PRR5L: variants seen among roughly 807,000 people sequenced by gnomAD.
PRR5L encodes proline-rich protein 5-like.
Under a neutral mutation model 36.4 loss-of-function variants are expected in PRR5L, and 21 were observed. The ratio of observed to expected loss-of-function variants is 0.58; its 90% CI spans 0.41 to 0.83. The LOEUF (loss-of-function observed/expected upper bound fraction) is 0.83. Ranked by LOEUF, PRR5L falls within the 40% of genes least tolerant of loss-of-function variation. PRR5L has a pLI of 0.00. For synonymous variants in PRR5L, 188 were observed against 197.0 expected, an observed-to-expected ratio of 0.95 and a Z score of 0.38; for missense variants, 381 against 473.3, an observed-to-expected ratio of 0.80 and a Z score of 1.81.
intron 3 of PRR5L, among the ~76,000 whole-genome samples, chr11:36,416,823 A>AGAAGG (rs1858154242): frequency 6.6e-6 from 1 of 151,254 alleles, no homozygotes; most frequent in Non-Finnish European, 1.5e-5. Context: ...CCTCCCTGAT[A>AGAAGG]GGAGGGGAGG....
chr11:36,329,993 A>G (rs553488275), intron 1 of PRR5L, among the ~76,000 whole-genome samples: 4 of 152,256 alleles, frequency 2.6e-5, no homozygotes, highest in Non-Finnish European at 4.4e-5. Context: ...TTCAAGGCAC[A>G]TCAGTCTCAA....
rs143717493 is a variant in PRR5L, at chr11:36,335,204, A to G, written c.-126+38766A>G. On this transcript the variant is annotated intron_variant, in intron 1 of 8. Coordinates refer to ENST00000530639, the MANE Select transcript of PRR5L (RefSeq NM_001160167.2). Reference sequence around the variant, plus strand: ...GCCTTTCTCCCAAGTAGCTGAAACTACAGGTGCACGCCATTACGCCAGGCT... The same window carrying G: ...GCCTTTCTCCCAAGTAGCTGAAACTGCAGGTGCACGCCATTACGCCAGGCT... 4.6e-5 allele frequency among the ~76,000 whole-genome samples: 7 copies of G among 152,106 alleles called. No individual in the cohort carries two copies. In the East Asian group the frequency reaches 9.7e-4, roughly 21 times the overall value.
At chr11:36,338,234 T>C (rs1369329789) in intron 1 of PRR5L, among the ~76,000 whole-genome samples, 1 of 152,184 alleles carries the variant, frequency 6.6e-6, no homozygotes, top group Non-Finnish European at 1.5e-5. Flanking sequence ...GCTTTTCAGG[T>C]TTCCTTTACT....
intron 1 of PRR5L, among the ~76,000 whole-genome samples, chr11:36,367,553 T>TC (rs1055897182): frequency 1.1e-4 from 17 of 152,150 alleles, no homozygotes; most frequent in African/African-American, 4.1e-4. Flanking sequence ...TTAGCCTTTT[T>TC]CCCCACAAGG....
chr11:36,357,028 G>T (rs905947368), intron 1 of PRR5L, among the ~76,000 whole-genome samples: 2 of 152,138 alleles, frequency 1.3e-5, no homozygotes. Context: ...CAAAGGAAAA[G>T]TTCTTGAAAT....
intron 1 of PRR5L, among the ~76,000 whole-genome samples, chr11:36,371,056 C>T (rs964168624): frequency 6.6e-6 from 1 of 152,108 alleles, no homozygotes; most frequent in East Asian, 1.9e-4. Context: ...GAATGGAGGG[C>T]AGACACTCCC....
chr11:36,384,763 C>T (rs960407778), intron 1 of PRR5L, among the ~76,000 whole-genome samples: 5 of 151,942 alleles, frequency 3.3e-5, no homozygotes, highest in Non-Finnish European at 7.4e-5. Flanking sequence ...GCCTTGAACT[C>T]CTGGGCTCAA....
At chr11:36,450,170 A>G (rs1485743690) in intron 7 of PRR5L, among the ~76,000 whole-genome samples, 1 of 152,196 alleles carries the variant, frequency 6.6e-6, no homozygotes, top group Non-Finnish European at 1.5e-5. Flanking sequence ...GCCAACATGC[A>G]GGAGTCAGCC....
At chr11:36,448,326 A>G (rs998146315) in intron 7 of PRR5L, among the ~76,000 whole-genome samples, 2 of 152,060 alleles carry the variant, frequency 1.3e-5, no homozygotes, top group African/African-American at 2.4e-5. Context: ...GTGGTTTCCA[A>G]TCGATCTTAG....
Position 36,459,537 on chromosome 11 carries a change from A to G in PRR5L, c.713-2805A>G, listed in dbSNP as rs574178667. On this transcript the variant is annotated intron_variant, in intron 8 of 8. Coordinates refer to ENST00000530639, the MANE Select transcript of PRR5L (RefSeq NM_001160167.2). ...GCTTACCCGGTTTTTGGAGGCTGCCATCTGTGCTCCAGTCCCAGCTTTGCC... is the reference window on the plus strand; with the variant it reads ...GCTTACCCGGTTTTTGGAGGCTGCCGTCTGTGCTCCAGTCCCAGCTTTGCC... Among the ~76,000 whole-genome samples the G allele has an allele frequency of 2.0e-5, 3 of 152,256 alleles. 1 individual carries two copies. In the South Asian group the frequency reaches 6.2e-4, roughly 32 times the overall value.
In PRR5L at chr11:36,462,396, C is replaced by T. The variant is rs760277113; in HGVS notation, c.767C>T (p.Pro256Leu). ...GTGACTGTCCTGAACTATGCCTCCCCGATAACCGCAGTCAGCCGGCCACTG... is the reference window on the plus strand; with the variant it reads ...GTGACTGTCCTGAACTATGCCTCCCTGATAACCGCAGTCAGCCGGCCACTG... ...PKVTVLNYAS[P>L]ITAVSRPLNE... Residue 256 changes from proline to leucine, a missense_variant, in exon 9 of 9, where the codon CCG becomes CTG. Transcript: ENST00000530639. 2.2e-5 allele frequency: 35 copies of T among 1,560,042 alleles called. No individual in the cohort carries two copies. The highest frequency in any genetic ancestry group is 4.5e-5 in the East Asian group (2 of 44,220).
chr11:36,384,450 T>C (rs1857422782), intron 1 of PRR5L, among the ~76,000 whole-genome samples: 1 of 152,202 alleles, frequency 6.6e-6, no homozygotes, highest in African/African-American at 2.4e-5. Flanking sequence ...GTAACTTCCT[T>C]TACTCAGATC....
chr11:36,374,082 C>CTTCA (rs1857225355), intron 1 of PRR5L, among the ~76,000 whole-genome samples: 2 of 116,102 alleles, frequency 1.7e-5, no homozygotes, highest in African/African-American at 7.4e-5. Context: ...TCCTTCCTTC[C>CTTCA]TTCCTTCCTT....
At chr11:36,425,473 G>A (rs1458919557) in intron 4 of PRR5L, 1 of 152,162 alleles carries the variant, frequency 6.6e-6, no homozygotes, top group Non-Finnish European at 1.5e-5. Flanking sequence ...TTTATTTGTT[G>A]TTGTTTTCGT....
chr11:36,363,329 T>G (rs1409959659), intron 1 of PRR5L, among the ~76,000 whole-genome samples: 1 of 152,230 alleles, frequency 6.6e-6, no homozygotes, highest in Non-Finnish European at 1.5e-5. Context: ...CCTGGAGTGC[T>G]TTCGAAGTGT....
chr11:36,384,370 T>C (rs184931519), intron 1 of PRR5L, among the ~76,000 whole-genome samples: 25 of 152,322 alleles, frequency 1.6e-4, no homozygotes. Flanking sequence ...ATTTATAGTA[T>C]TACTTTTGGA....
chr11:36,348,574 A>G (rs1210456658), intron 1 of PRR5L, among the ~76,000 whole-genome samples: 7 of 152,216 alleles, frequency 4.6e-5, no homozygotes, highest in Admixed American at 4.6e-4. Flanking sequence ...ATTGATTTGC[A>G]TCATAAATTA....
At chr11:36,460,323 C>G (rs979606574) in intron 8 of PRR5L, among the ~76,000 whole-genome samples, 1 of 152,148 alleles carries the variant, frequency 6.6e-6, no homozygotes, top group Non-Finnish European at 1.5e-5. Flanking sequence ...GCATCTCAGA[C>G]GCGATGTGGC....
At chr11:36,430,498 G>A (rs1182904688) in intron 4 of PRR5L, among the ~76,000 whole-genome samples, 1 of 152,150 alleles carries the variant, frequency 6.6e-6, no homozygotes, top group Non-Finnish European at 1.5e-5. Context: ...TTTGGTTAAT[G>A]TGTATCCATC....
Sources: gnomAD v4.1 joint callset for allele counts (sites outside exome capture counted in the v4.1 genomes callset) on GRCh38, gnomAD v4.1.1 for gene constraint, MANE v1.5 for transcripts, NCBI Gene and HGNC (gene_info 2026-07-23, HGNC 2026-07-21) for gene names.